The following SLCO3A1 variants were observed in gnomAD, a reference collection of about 807,000 sequenced individuals.
SLCO3A1 encodes the protein PGE1 transporter.
Under a neutral mutation model 63.1 loss-of-function variants are expected in SLCO3A1, and 27 were observed. That is an observed-to-expected ratio of 0.43 (90% CI 0.32 to 0.59). The LOEUF is 0.59. SLCO3A1 is among the 20% of genes least tolerant of loss of function. SLCO3A1 has a pLI of 0.09. For missense variants in SLCO3A1, 773 were observed against 945.8 expected, an observed-to-expected ratio of 0.82 and a Z score of 2.40; for synonymous variants, 473 against 409.9, an observed-to-expected ratio of 1.15 and a Z score of -1.86.
intron 2 of SLCO3A1, among the ~76,000 whole-genome samples, chr15:92,037,488 G>A (rs1267509229): frequency 1.3e-5 from 2 of 152,172 alleles, no homozygotes; most frequent in African/African-American, 4.8e-5. Context: ...CCATATAACA[G>A]GGAGTCAGCT....
chr15:91,919,116 T>A (rs1167440614), intron 2 of SLCO3A1, among the ~76,000 whole-genome samples: 3 of 152,220 alleles, frequency 2.0e-5, no homozygotes, highest in African/African-American at 7.2e-5. Flanking sequence ...CTGCCCCGGG[T>A]CACCCGCATT....
intron 2 of SLCO3A1, among the ~76,000 whole-genome samples, chr15:92,029,284 TG>T (rs759379086): frequency 2.6e-4 from 40 of 152,208 alleles, no homozygotes; most frequent in Non-Finnish European, 4.7e-4. Context: ...GATTTGTCCC[TG>T]GCGATGGGAA....
intron 2 of SLCO3A1, among the ~76,000 whole-genome samples, chr15:92,084,223 A>G (rs2151526715): frequency 6.6e-6 from 1 of 152,312 alleles, no homozygotes; most frequent in Admixed American, 6.5e-5. Context: ...CACATTCTCT[A>G]AAAAAAGCAG....
chr15:92,088,265 T>A (rs1051605104), intron 2 of SLCO3A1, among the ~76,000 whole-genome samples: 1 of 152,188 alleles, frequency 6.6e-6, no homozygotes, highest in Non-Finnish European at 1.5e-5. Context: ...TAAAGAAGAA[T>A]AAAGCATCAT....
intron 9 of SLCO3A1, among the ~76,000 whole-genome samples, chr15:92,155,830 C>A (rs1294565136): frequency 6.6e-6 from 1 of 152,128 alleles, no homozygotes; most frequent in East Asian, 1.9e-4. Context: ...ATGGAGAAGC[C>A]TTTAATAGAA....
Position 92,172,151 on chromosome 15 carries a change from C to T in SLCO3A1, c.*289C>T, listed in dbSNP as rs141267882. ...AAATTCCCTTCCACCCATCCCTCTA[C>T]CTCCTCTGGGGATGGCTTGCCGACA... On this transcript the variant is annotated 3_prime_UTR_variant, in exon 11 of 11. Coordinates refer to the SLCO3A1 transcript ENST00000424469. The T allele has an allele frequency of 8.8e-5, 27 of 306,624 alleles. 1 individual carries two copies. The East Asian group carries it at 1.5e-3, about 17-fold the overall frequency. 19.0% of individuals were successfully genotyped at this position (306,624 alleles called of 1,614,324 possible).
intron 4 of SLCO3A1, among the ~76,000 whole-genome samples, chr15:92,115,549 C>T (rs1373759812): frequency 6.6e-6 from 1 of 152,076 alleles, no homozygotes; most frequent in African/African-American, 2.4e-5. Flanking sequence ...GGGCCACATG[C>T]TTTACACACT....
intron 2 of SLCO3A1, among the ~76,000 whole-genome samples, chr15:91,965,308 T>C (rs1900617265): frequency 6.6e-6 from 1 of 152,124 alleles, no homozygotes; most frequent in Admixed American, 6.5e-5. Context: ...GAAACATTTA[T>C]CCCCCTGGAT....
intron 3 of SLCO3A1, among the ~76,000 whole-genome samples, chr15:92,102,137 G>A (rs1205786976): frequency 2.6e-5 from 4 of 152,058 alleles, no homozygotes; most frequent in African/African-American, 9.7e-5. Flanking sequence ...GGAGACAATG[G>A]AGGGAAATAC....
chr15:92,012,898 A>T (rs2046384701), intron 2 of SLCO3A1, among the ~76,000 whole-genome samples: 1 of 152,252 alleles, frequency 6.6e-6, no homozygotes, highest in South Asian at 2.1e-4. Context: ...GAAGTACTTC[A>T]TGAAAAAGAA....
intron 2 of SLCO3A1, among the ~76,000 whole-genome samples, chr15:91,929,701 A>AC (rs1597130660): frequency 6.6e-6 from 1 of 151,216 alleles, no homozygotes; most frequent in East Asian, 1.9e-4. Context: ...CTCCCATTCC[A>AC]CCCCCTCTCC....
At chr15:92,005,390 A>G (rs1171556990) in intron 2 of SLCO3A1, among the ~76,000 whole-genome samples, 1 of 152,184 alleles carries the variant, frequency 6.6e-6, no homozygotes, top group East Asian at 1.9e-4. Flanking sequence ...GAGCGTCTGG[A>G]AAGTTGATGG....
chr15:92,030,220 C>T (rs1025190049), intron 2 of SLCO3A1, among the ~76,000 whole-genome samples: 4 of 152,196 alleles, frequency 2.6e-5, no homozygotes, highest in Non-Finnish European at 5.9e-5. Context: ...ACGTGTTAGA[C>T]ACAGTTTGGT....
chr15:92,139,603 T>C lies in SLCO3A1; in HGVS notation c.1513-7381T>C, dbSNP rs570477453. ...AGAATTCGGCTGTGAATCCATCTGG[T>C]TCTGGACTCTTTTTGGTTGGTAAAC... On this transcript the variant is annotated intron_variant, in intron 7 of 9. Transcript: ENST00000318445. Among the ~76,000 whole-genome samples, 1,406 of 152,246 alleles carry C rather than the reference T, an allele frequency of 9.2e-3. 16 individuals carry two copies. The highest frequency in any genetic ancestry group is 0.032 in the African/African-American group (1,323 of 41,528).
chr15:91,911,081 A>G (rs1016562046), intron 1 of SLCO3A1, among the ~76,000 whole-genome samples: 6 of 152,220 alleles, frequency 3.9e-5, no homozygotes, highest in African/African-American at 1.2e-4. Flanking sequence ...GTCCTGTCCT[A>G]TGGCAACATA....
intron 2 of SLCO3A1, among the ~76,000 whole-genome samples, chr15:92,016,254 T>TAGATAGATAGATAGATAGATTGATTAGA: frequency 1.0e-5 from 1 of 95,658 alleles, no homozygotes; most frequent in Non-Finnish European, 2.1e-5. Flanking sequence ...GATAGATAGA[T>TAGATAGATAGATAGATAGATTGATTAGA]TAGATAGATA....
downstream of SLCO3A1, among the ~76,000 whole-genome samples, chr15:92,166,877 C>T (rs1427709564): frequency 1.3e-5 from 2 of 152,168 alleles, no homozygotes; most frequent in Non-Finnish European, 2.9e-5. Flanking sequence ...CCTAGGAAGT[C>T]TGGTTTCTTC....
chr15:92,013,611 C>T (rs2046393985), intron 2 of SLCO3A1, among the ~76,000 whole-genome samples: 2 of 152,220 alleles, frequency 1.3e-5, no homozygotes, highest in Non-Finnish European at 2.9e-5. Context: ...TAAGAAGAGA[C>T]AAACAGGCAT....
intron 1 of SLCO3A1, among the ~76,000 whole-genome samples, chr15:91,908,026 GT>G (rs1898366824): frequency 6.6e-6 from 1 of 152,164 alleles, no homozygotes; most frequent in South Asian, 2.1e-4. Context: ...TAACTGTGAC[GT>G]GCAGGTGTGC....
Sources: gnomAD v4.1 joint callset for allele counts (sites outside exome capture counted in the v4.1 genomes callset) on GRCh38, gnomAD v4.1.1 for gene constraint, MANE v1.5 for transcripts, NCBI Gene and HGNC (gene_info 2026-07-23, HGNC 2026-07-21) for gene names.